The following LRRC4C variants were observed in gnomAD, a reference collection of about 807,000 sequenced individuals.
LRRC4C encodes leucine-rich repeat-containing protein 4C.
Under a neutral mutation model 33.6 loss-of-function variants are expected in LRRC4C, and 5 were observed. That is an observed-to-expected ratio of 0.15 (90% CI 0.08 to 0.31). The LOEUF (loss-of-function observed/expected upper bound fraction) is 0.31. Among genes scored for constraint, LRRC4C ranks in the 10% least tolerant of loss-of-function variants. The probability of loss-of-function intolerance (pLI) is 1.00; values close to 1 mark genes in which losing one functional copy is unlikely to be tolerated. For synonymous variants in LRRC4C, 329 were observed against 302.0 expected, an observed-to-expected ratio of 1.09 and a Z score of -0.93; for missense variants, 560 against 796.7, an observed-to-expected ratio of 0.70 and a Z score of 3.58.
intron 3 of LRRC4C, among the ~76,000 whole-genome samples, chr11:40,638,121 A>T (rs1313018893): frequency 6.6e-6 from 1 of 152,092 alleles, no homozygotes; most frequent in African/African-American, 2.4e-5. Context: ...CCTGTTCCTT[A>T]CCTACTTTAT....
rs533295525 is a variant in LRRC4C at position 40,693,095 on chromosome 11, G to A, written c.-406-44817C>T. On this transcript the variant is annotated intron_variant, in intron 2 of 6. Transcript: ENST00000528697. ...GTAGCAGATTTTTATGCAATGTATC[G>A]TGATTCTGGTTTTTTACCGCACACA... Among the ~76,000 whole-genome samples, 21 of 152,074 alleles carry A rather than the reference G, an allele frequency of 1.4e-4. No individual in the cohort carries two copies. The South Asian group carries it at 2.3e-3, about 17-fold the overall frequency.
chr11:40,162,712 A>G (rs1859260912), intron 5 of LRRC4C, among the ~76,000 whole-genome samples: 1 of 152,162 alleles, frequency 6.6e-6, no homozygotes, highest in East Asian at 1.9e-4. Context: ...AAGGTATGTG[A>G]TTTGTATCCT....
At chr11:40,481,157 C>G (rs1338851198) in intron 3 of LRRC4C, among the ~76,000 whole-genome samples, 1 of 151,240 alleles carries the variant, frequency 6.6e-6, no homozygotes, top group African/African-American at 2.4e-5. Context: ...AATGTTAACT[C>G]GTATACTTCA....
intron 1 of LRRC4C, among the ~76,000 whole-genome samples, chr11:41,161,093 A>G (rs184118307): frequency 0.016 from 2,372 of 150,490 alleles, 56 homozygotes; most frequent in African/African-American, 0.056. Context: ...TCTGTATTAA[A>G]GACTCAAGAA....
At chr11:40,643,836 C>G (rs1942270367) in intron 3 of LRRC4C, among the ~76,000 whole-genome samples, 1 of 152,130 alleles carries the variant, frequency 6.6e-6, no homozygotes, top group South Asian at 2.1e-4. Context: ...GCCATTAATT[C>G]TACTCCCACT....
chr11:41,298,681 G>GT (rs1409918186), intron 1 of LRRC4C, among the ~76,000 whole-genome samples: 4 of 152,094 alleles, frequency 2.6e-5, no homozygotes, highest in African/African-American at 4.8e-5. Context: ...TGCAAGTGCA[G>GT]TTTTTTTACA....
At chr11:41,283,302 A>G (rs1319151446) in intron 1 of LRRC4C, among the ~76,000 whole-genome samples, 1 of 152,216 alleles carries the variant, frequency 6.6e-6, no homozygotes, top group African/African-American at 2.4e-5. Context: ...TCATCATAAC[A>G]TCATTTATAT....
At chr11:40,721,269 A>G (rs1378100463) in intron 2 of LRRC4C, among the ~76,000 whole-genome samples, 1 of 152,166 alleles carries the variant, frequency 6.6e-6, no homozygotes, top group Non-Finnish European at 1.5e-5. Flanking sequence ...CCCTCATTAG[A>G]AGAAGCTTGA....
chr11:41,256,858 T>C (rs749767433), intron 1 of LRRC4C, among the ~76,000 whole-genome samples: 1 of 152,060 alleles, frequency 6.6e-6, no homozygotes, highest in Non-Finnish European at 1.5e-5. Flanking sequence ...CTAATGGTCA[T>C]GTGGCTACTT....
rs1406252462 is a variant in LRRC4C, at chr11:41,208,168, G to A, written c.-496+251263C>T. On this transcript the variant is annotated intron_variant, in intron 1 of 6. Coordinates refer to ENST00000528697, the MANE Select transcript of LRRC4C (RefSeq NM_001258419.2). Reference sequence around the variant, plus strand: ...AATCAGGAACATGCTGTTAGGAACTGGAAAGAAGGCAATCATGTGATAAAG... The same window carrying A: ...AATCAGGAACATGCTGTTAGGAACTAGAAAGAAGGCAATCATGTGATAAAG... 1.3e-5 allele frequency among the ~76,000 whole-genome samples: 2 copies of A among 152,160 alleles called. 1 individual carries two copies. Among genetic ancestry groups the A allele is most frequent in the African/African-American group, 4.8e-5 (2 of 41,436 alleles).
At chr11:40,261,627 T>C (rs1379691955) in intron 4 of LRRC4C, among the ~76,000 whole-genome samples, 2 of 152,158 alleles carry the variant, frequency 1.3e-5, no homozygotes, top group Non-Finnish European at 2.9e-5. Flanking sequence ...GGTTCAATTA[T>C]GGGAAACATA....
chr11:40,737,795 C>T (rs1947959457), intron 2 of LRRC4C, among the ~76,000 whole-genome samples: 1 of 152,066 alleles, frequency 6.6e-6, no homozygotes, highest in African/African-American at 2.4e-5. Context: ...GTCATACTGC[C>T]CAAAGTAATT....
At chr11:41,085,381 T>C (rs938244519) in intron 1 of LRRC4C, among the ~76,000 whole-genome samples, 4 of 152,208 alleles carry the variant, frequency 2.6e-5, no homozygotes, top group African/African-American at 9.6e-5. Flanking sequence ...CAAACAAGTA[T>C]ATCTCTCTTA....
At chr11:40,635,628 A>ATTTTTTTTTTTTTTTTTTTTTTT (rs71060975) in intron 3 of LRRC4C, among the ~76,000 whole-genome samples, 2 of 92,222 alleles carry the variant, frequency 2.2e-5, no homozygotes, top group African/African-American at 8.1e-5. Context: ...AAAGAACCAA[A>ATTTTTTTTTTTTTTTTTTTTTTT]TTTTTTTTTT....
intron 4 of LRRC4C, among the ~76,000 whole-genome samples, chr11:40,255,099 C>A (rs902342375): frequency 2.0e-5 from 3 of 152,064 alleles, no homozygotes; most frequent in African/African-American, 7.2e-5. Flanking sequence ...CCGCACCCGG[C>A]CCTAAAAATG....
At chr11:40,735,375 T>C (rs930251353) in intron 2 of LRRC4C, among the ~76,000 whole-genome samples, 27 of 145,906 alleles carry the variant, frequency 1.9e-4, no homozygotes, top group Non-Finnish European at 2.3e-4. Context: ...TGTGTTCTCA[T>C]TGTTCAATTC....
At chr11:40,518,000 G>A (rs1037708239) in intron 3 of LRRC4C, among the ~76,000 whole-genome samples, 3 of 152,082 alleles carry the variant, frequency 2.0e-5, no homozygotes, top group South Asian at 2.1e-4. Flanking sequence ...GACAAAATAA[G>A]CAATGGGGAA....
chr11:40,336,263 GTT>G (rs779352891), intron 3 of LRRC4C, among the ~76,000 whole-genome samples: 1 of 152,128 alleles, frequency 6.6e-6, no homozygotes, highest in African/African-American at 2.4e-5. Flanking sequence ...GCATATCCCA[GTT>G]TTTTCTATGG....
chr11:40,313,586 A>G (rs11035776), intron 4 of LRRC4C, among the ~76,000 whole-genome samples: 2 of 142,276 alleles, frequency 1.4e-5, no homozygotes, highest in Admixed American at 7.2e-5. Flanking sequence ...AAAACATGCT[A>G]GGAGGGGAAA....
Sources: gnomAD v4.1 joint callset for allele counts (sites outside exome capture counted in the v4.1 genomes callset) on GRCh38, gnomAD v4.1.1 for gene constraint, MANE v1.5 for transcripts, NCBI Gene and HGNC (gene_info 2026-07-23, HGNC 2026-07-21) for gene names.